CTNNA1: variants seen among roughly 807,000 people sequenced by gnomAD.
The protein encoded by CTNNA1 is catenin alpha-1.
A neutral mutation model predicts 98.4 loss-of-function variants in CTNNA1; 37 were observed. The ratio of observed to expected loss-of-function variants is 0.38; its 90% CI spans 0.29 to 0.49. CTNNA1 has a LOEUF of 0.49. CTNNA1 is among the 20% of genes least tolerant of loss of function. The pLI is 0.95. For synonymous variants in CTNNA1, 404 were observed against 413.2 expected, an observed-to-expected ratio of 0.98 and a Z score of 0.27; for missense variants, 761 against 1,147.2, an observed-to-expected ratio of 0.66 and a Z score of 4.86.
At position 138,812,172 on chromosome 5, in the gene CTNNA1, T is replaced by G. The variant is rs1444592521; in HGVS notation, c.469-11T>G. 6.2e-7 allele frequency: 1 copy of G among 1,609,078 alleles called. No homozygotes were observed. The highest frequency in any genetic ancestry group is 1.7e-5 in the Admixed American group (1 of 58,792). Reference sequence around the variant, plus strand: ...GAATTTTTGGGTTTTGGGGTCTTTCTTATTTTATAGGTGGAAGATGGTATC... The same window carrying G: ...GAATTTTTGGGTTTTGGGGTCTTTCGTATTTTATAGGTGGAAGATGGTATC... On this transcript the variant is annotated splice_polypyrimidine_tract_variant and intron_variant, in intron 4 of 17. Coordinates refer to ENST00000302763, the MANE Select transcript of CTNNA1 (RefSeq NM_001903.5).
intron 7 of CTNNA1, among the ~76,000 whole-genome samples, chr5:138,857,520 C>T (rs1763839522): frequency 6.6e-6 from 1 of 152,086 alleles, no homozygotes; most frequent in African/African-American, 2.4e-5. Flanking sequence ...TCTTGCTATG[C>T]TGCCCAGGGT....
chr5:138,855,639 C>T (rs1019503199), intron 7 of CTNNA1, among the ~76,000 whole-genome samples: 1 of 152,088 alleles, frequency 6.6e-6, no homozygotes, highest in African/African-American at 2.4e-5. Flanking sequence ...CAATTTTGTA[C>T]GGTGTTTGGT....
chr5:138,920,689 C>T (rs1762752617), intron 11 of CTNNA1, among the ~76,000 whole-genome samples: 1 of 152,158 alleles, frequency 6.6e-6, no homozygotes, highest in African/African-American at 2.4e-5. Context: ...TGTGATTTTC[C>T]ACCATCAAAT....
At chr5:138,836,877 A>G (rs925301896) in intron 7 of CTNNA1, among the ~76,000 whole-genome samples, 4 of 152,248 alleles carry the variant, frequency 2.6e-5, no homozygotes, top group Non-Finnish European at 5.9e-5. Flanking sequence ...GATGGGCACT[A>G]TAAATTTTCT....
chr5:138,866,320 T>TTTGGTA (rs1426224527), intron 7 of CTNNA1, among the ~76,000 whole-genome samples: 2 of 147,710 alleles, frequency 1.4e-5, no homozygotes, highest in Non-Finnish European at 3.0e-5. Flanking sequence ...ATTTATTTAT[T>TTTGGTA]TATTTATTTT....
At chr5:138,857,208 TC>T (rs1274628011) in intron 7 of CTNNA1, among the ~76,000 whole-genome samples, 1 of 152,192 alleles carries the variant, frequency 6.6e-6, no homozygotes, top group African/African-American at 2.4e-5. Context: ...AATACATCTC[TC>T]TAAGTCACTG....
chr5:138,763,964 C>A (rs1035833528), intron 1 of CTNNA1, among the ~76,000 whole-genome samples: 7 of 152,152 alleles, frequency 4.6e-5, no homozygotes, highest in Admixed American at 1.3e-4. Context: ...GCGGGCAGAT[C>A]ACCTGAGGTC....
Position 138,804,470 on chromosome 5 carries a change from T to G in CTNNA1, c.302-5568T>G, listed in dbSNP as rs1757884698. ...TTACCTGTTGGAAGTTAGTCCTCATTCTTACCTGCTTCCCACTGCCCAGCA... is the reference window on the plus strand; with the variant it reads ...TTACCTGTTGGAAGTTAGTCCTCATGCTTACCTGCTTCCCACTGCCCAGCA... On this transcript the variant is annotated intron_variant, in intron 3 of 17. Transcript: ENST00000302763. Among the ~76,000 whole-genome samples the G allele has an allele frequency of 2.0e-5, 3 of 152,210 alleles. No homozygotes were observed. The South Asian group carries it at 6.2e-4, about 31-fold the overall frequency.
chr5:138,761,322 C>G (rs7724102), intron 1 of CTNNA1, among the ~76,000 whole-genome samples: 5 of 152,070 alleles, frequency 3.3e-5, no homozygotes, highest in African/African-American at 1.2e-4. Context: ...GCAACCTCCA[C>G]TTCCTGAGTT....
intron 10 of CTNNA1, among the ~76,000 whole-genome samples, chr5:138,907,060 C>T (rs973119467): frequency 4.6e-5 from 7 of 152,134 alleles, no homozygotes; most frequent in African/African-American, 1.7e-4. Context: ...CTGACTCTGT[C>T]ACCCAGGCTG....
intron 7 of CTNNA1, among the ~76,000 whole-genome samples, chr5:138,850,679 T>G (rs1447168119): frequency 6.6e-6 from 1 of 152,228 alleles, no homozygotes; most frequent in Non-Finnish European, 1.5e-5. Flanking sequence ...TTCACTGTAG[T>G]CTCTTTCAGT....
rs538277632 is a variant in CTNNA1 at position 138,851,838 on chromosome 5, C to T, written c.1062+24120C>T. ...TGGGAGGCCGAGGCAGGCGGATCAC[C>T]TGTGGTCAGGAGTTCAAGACCAATC... On this transcript the variant is annotated intron_variant, in intron 7 of 17. Coordinates refer to ENST00000302763, the MANE Select transcript of CTNNA1 (RefSeq NM_001903.5). 6.6e-5 allele frequency among the ~76,000 whole-genome samples: 10 copies of T among 151,904 alleles called. No individual in the cohort carries two copies. In the East Asian group the frequency reaches 2.0e-3, roughly 30 times the overall value.
At chr5:138,888,260 G>A (rs1252528048) in intron 9 of CTNNA1, among the ~76,000 whole-genome samples, 4 of 152,172 alleles carry the variant, frequency 2.6e-5, no homozygotes, top group Non-Finnish European at 5.9e-5. Context: ...AGAGTGAATC[G>A]TGACTTATTT....
At chr5:138,879,343 T>C (rs1310786840) in intron 7 of CTNNA1, among the ~76,000 whole-genome samples, 2 of 152,156 alleles carry the variant, frequency 1.3e-5, no homozygotes, top group Non-Finnish European at 2.9e-5. Context: ...AGCTTGTCTT[T>C]TTTTGAAAGA....
intron 3 of CTNNA1, among the ~76,000 whole-genome samples, chr5:138,786,046 A>G (rs999282197): frequency 1.3e-5 from 2 of 152,304 alleles, no homozygotes; most frequent in Admixed American, 6.5e-5. Flanking sequence ...TTTTGAATGC[A>G]TATCTGAATT....
intron 7 of CTNNA1, among the ~76,000 whole-genome samples, chr5:138,835,095 CAGTT>C (rs923690754): frequency 8.5e-5 from 13 of 152,140 alleles, no homozygotes; most frequent in African/African-American, 2.7e-4. Flanking sequence ...GTCAATTTAT[CAGTT>C]AGGGTGGGGC....
intron 1 of CTNNA1, among the ~76,000 whole-genome samples, chr5:138,759,568 T>C (rs2149573715): frequency 6.6e-6 from 1 of 152,222 alleles, no homozygotes; most frequent in Admixed American, 6.5e-5. Context: ...CTTGCAGTCA[T>C]GGAGGGGGTG....
intron 9 of CTNNA1, among the ~76,000 whole-genome samples, chr5:138,895,307 G>A (rs1019352852): frequency 5.9e-5 from 9 of 152,116 alleles, no homozygotes; most frequent in South Asian, 2.1e-4. Context: ...ATGACTGATC[G>A]TCCTTGTTAG....
At chr5:138,837,999 A>G (rs959094642) in intron 7 of CTNNA1, among the ~76,000 whole-genome samples, 1 of 151,348 alleles carries the variant, frequency 6.6e-6, no homozygotes, top group Non-Finnish European at 1.5e-5. Flanking sequence ...AAACTTGCCA[A>G]TTTTTAATCT....
Sources: allele counts gnomAD v4.1 joint callset (sites outside exome capture counted in the v4.1 genomes callset), GRCh38; gene constraint gnomAD v4.1.1; transcripts MANE v1.5; gene names NCBI Gene and HGNC (gene_info 2026-07-23, HGNC 2026-07-21).